The following KCNIP1 variants were observed in gnomAD, a reference collection of about 807,000 sequenced individuals.
KCNIP1 encodes potassium voltage-gated channel interacting protein 1.
Under a neutral mutation model 33.0 loss-of-function variants are expected in KCNIP1, and 18 were observed. The ratio of observed to expected loss-of-function variants is 0.55; its 90% CI spans 0.38 to 0.81. The LOEUF is 0.81. Ranked by LOEUF, KCNIP1 falls within the 30% of genes least tolerant of loss-of-function variation. The pLI is 0.00. For missense variants in KCNIP1, 238 were observed against 271.6 expected (o/e 0.88, Z 0.87); for synonymous variants, 93 against 98.3 (o/e 0.95, Z 0.32).
chr5:170,660,371 TAA>T (rs61001714), intron 1 of KCNIP1, among the ~76,000 whole-genome samples: 15,309 of 137,922 alleles, frequency 0.11, 829 homozygotes, highest in African/African-American at 0.13. Context: ...ATGATTTTTA[TAA>T]AAAAAAAAAA....
chr5:170,355,362 G>T (rs1413906921), intron 1 of KCNIP1, among the ~76,000 whole-genome samples: 2 of 152,200 alleles, frequency 1.3e-5, no homozygotes. Flanking sequence ...ATTTCACAAA[G>T]TCTCCCCATT....
chr5:170,512,177 TGTTATAG>T (rs1218885871), intron 1 of KCNIP1, among the ~76,000 whole-genome samples: 2 of 152,224 alleles, frequency 1.3e-5, no homozygotes, highest in Non-Finnish European at 2.9e-5. Flanking sequence ...TTTCTCTCTT[TGTTATAG>T]CCATCATTGC....
At position 170,650,257 on chromosome 5, in the gene KCNIP1, C is replaced by A. The variant is rs188192305; in HGVS notation, c.62-68501C>A. ...TATAGCCAGACCTATGAAATCACCA[C>A]AATCAAGATATGAATATAACTATCA... On this transcript the variant is annotated intron_variant, in intron 1 of 7. Coordinates refer to ENST00000328939, the MANE Select transcript of KCNIP1 (RefSeq NM_014592.4). 4.9e-4 allele frequency among the ~76,000 whole-genome samples: 74 copies of A among 152,210 alleles called. No individual in the cohort carries two copies. In the East Asian group the frequency reaches 0.013, roughly 26 times the overall value.
chr5:170,667,432 G>A (rs1331116480), intron 1 of KCNIP1, among the ~76,000 whole-genome samples: 1 of 152,238 alleles, frequency 6.6e-6, no homozygotes, highest in African/African-American at 2.4e-5. Flanking sequence ...CCCCTGGGAG[G>A]GATGAATTTG....
chr5:170,453,667 G>A (rs534789172), intron 1 of KCNIP1, among the ~76,000 whole-genome samples: 24 of 152,276 alleles, frequency 1.6e-4, no homozygotes, highest in East Asian at 5.8e-4. Flanking sequence ...GTGGTGGGAC[G>A]TTACTCCTGT....
rs902983487 is a variant in KCNIP1 at position 170,508,897 on chromosome 5, C to T, written c.61+4264C>T. ...ATCGCGCTTGGAATTAGACAATCAA[C>T]GGAGGTGTTAACCCCCTTTCCCCAC... is the stretch of plus-strand genomic sequence containing the variant. On this transcript the variant is annotated intron_variant, in intron 1 of 7. Coordinates refer to ENST00000328939, the MANE Select transcript of KCNIP1 (RefSeq NM_014592.4). Among the ~76,000 whole-genome samples, 8 of 152,134 alleles carry T rather than the reference C, an allele frequency of 5.3e-5. No homozygotes were observed. The East Asian group carries it at 9.6e-4, about 18-fold the overall frequency.
At chr5:170,520,160 T>A (rs932892723) in intron 1 of KCNIP1, among the ~76,000 whole-genome samples, 3 of 152,226 alleles carry the variant, frequency 2.0e-5, no homozygotes, top group Non-Finnish European at 4.4e-5. Context: ...GACACTGTGC[T>A]GGGCACTGCC....
chr5:170,535,663 C>T (rs1561673924), intron 1 of KCNIP1, among the ~76,000 whole-genome samples: 1 of 152,118 alleles, frequency 6.6e-6, no homozygotes, highest in Non-Finnish European at 1.5e-5. Flanking sequence ...AATCCCAGCC[C>T]CCTTTGCTTC....
intron 1 of KCNIP1, among the ~76,000 whole-genome samples, chr5:170,625,274 G>A (rs988131069): frequency 1.3e-5 from 2 of 152,136 alleles, no homozygotes; most frequent in Admixed American, 6.5e-5. Flanking sequence ...CTTCTCTCTA[G>A]TTGGTACCTG....
At chr5:170,720,521 C>A in intron 3 of KCNIP1, 131 bp downstream of exon 3, 2 of 721,586 alleles carry the variant, frequency 2.8e-6, no homozygotes, top group Non-Finnish European at 4.9e-6. Flanking sequence ...CAGGACACCT[C>A]CCTCATCGTG....
chr5:170,378,383 G>A (rs1370422686), intron 1 of KCNIP1: 4 of 260,912 alleles, frequency 1.5e-5, no homozygotes, highest in East Asian at 1.5e-4. Flanking sequence ...CAGAGGTGAC[G>A]ATCATCGTTC....
chr5:170,573,840 T>C (rs1489530474), intron 1 of KCNIP1, among the ~76,000 whole-genome samples: 5 of 152,232 alleles, frequency 3.3e-5, no homozygotes, highest in Non-Finnish European at 7.3e-5. Context: ...ATTTACTATA[T>C]GGGCCAAGAC....
intron 1 of KCNIP1, among the ~76,000 whole-genome samples, chr5:170,439,421 G>A (rs545689059): frequency 1.1e-4 from 16 of 152,100 alleles, no homozygotes; most frequent in Middle Eastern, 6.8e-3. Flanking sequence ...AGGTCCCCTC[G>A]ACACAGGCCA....
intron 1 of KCNIP1, chr5:170,383,956 A>C: frequency 2.6e-6 from 3 of 1,159,592 alleles, no homozygotes; most frequent in Non-Finnish European, 3.7e-6. Flanking sequence ...GGGATCCAGG[A>C]CTGGGATCCT....
In KCNIP1 at chr5:170,535,861, G is replaced by A. The variant is rs540431289; in HGVS notation, c.61+31228G>A. The stretch of plus-strand genomic sequence containing the variant: ...TTCAAATCTCCAAGATCTGCAGCTC[G>A]GTGTGAACTGCCCTCCGCCTGTCTC... On this transcript the variant is annotated intron_variant, in intron 1 of 7. Coordinates refer to ENST00000328939, the MANE Select transcript of KCNIP1 (RefSeq NM_014592.4). Among the ~76,000 whole-genome samples the A allele has an allele frequency of 5.3e-5, 8 of 152,294 alleles. No homozygotes were observed. In the East Asian group the frequency reaches 9.6e-4, roughly 18 times the overall value.
chr5:170,625,363 G>A (rs1041396368), intron 1 of KCNIP1, among the ~76,000 whole-genome samples: 9 of 152,170 alleles, frequency 5.9e-5, no homozygotes, highest in African/African-American at 2.2e-4. Context: ...CTGTCACCAA[G>A]CATCGGGCCT....
intron 1 of KCNIP1, among the ~76,000 whole-genome samples, chr5:170,453,129 T>A (rs1156773453): frequency 6.6e-6 from 1 of 152,220 alleles, no homozygotes; most frequent in Non-Finnish European, 1.5e-5. Context: ...TCTAATCACA[T>A]TCCTCTTCAC....
At chr5:170,707,484 T>C (rs1489279299) in intron 1 of KCNIP1, among the ~76,000 whole-genome samples, 4 of 152,148 alleles carry the variant, frequency 2.6e-5, no homozygotes, top group African/African-American at 9.6e-5. Flanking sequence ...AATGTAACAC[T>C]GTCACACACA....
intron 1 of KCNIP1, among the ~76,000 whole-genome samples, chr5:170,371,197 G>A (rs1009470770): frequency 5.3e-5 from 8 of 152,190 alleles, no homozygotes; most frequent in African/African-American, 1.7e-4. Flanking sequence ...CGTGTGATGA[G>A]CTATGGGCTG....
Sources: allele counts gnomAD v4.1 joint callset (sites outside exome capture counted in the v4.1 genomes callset), GRCh38; gene constraint gnomAD v4.1.1; transcripts MANE v1.5; gene names NCBI Gene and HGNC (gene_info 2026-07-23, HGNC 2026-07-21).